The following AKAP7 variants were observed in gnomAD, a reference collection of about 807,000 sequenced individuals.
The protein encoded by AKAP7 is A-kinase anchoring protein 7.
AKAP7 carries 39 observed loss-of-function variants against 39.5 expected under a neutral mutation model. That is an observed-to-expected ratio of 0.99 (90% CI 0.76 to 1.29). The LOEUF is 1.29. Among genes scored for constraint, AKAP7 ranks in the 50% most tolerant of loss-of-function variants. The probability of loss-of-function intolerance (pLI) is 0.00; values close to 1 mark genes in which losing one functional copy is unlikely to be tolerated. For missense variants in AKAP7, 414 were observed against 407.7 expected, an observed-to-expected ratio of 1.02 and a Z score of -0.13; for synonymous variants, 140 against 139.1, an observed-to-expected ratio of 1.01 and a Z score of -0.05.
In AKAP7 at chr6:131,198,588, G is replaced by A. The variant is rs115972620; in HGVS notation, c.590-873G>A. Among the ~76,000 whole-genome samples the A allele has an allele frequency of 2.7e-3, 409 of 152,242 alleles. 1 individual carries two copies. The highest frequency in any genetic ancestry group is 9.4e-3 in the African/African-American group (391 of 41,532). On this transcript the variant is annotated intron_variant, in intron 5 of 7. Transcript: ENST00000431975. Reference sequence around the variant, plus strand: ...TAATTATTCCCCACTACTGAGGCAAGACTGTTCTTTTTACCTAATGTCTCA... The same window carrying A: ...TAATTATTCCCCACTACTGAGGCAAAACTGTTCTTTTTACCTAATGTCTCA...
At chr6:131,162,090 C>G (rs1210743248) in intron 3 of AKAP7, among the ~76,000 whole-genome samples, 2 of 152,194 alleles carry the variant, frequency 1.3e-5, no homozygotes, top group African/African-American at 4.8e-5. Context: ...CTGCATCACC[C>G]CCATGTCTGC....
intron 7 of AKAP7, among the ~76,000 whole-genome samples, chr6:131,271,428 A>G (rs563364377): frequency 3.9e-5 from 6 of 152,266 alleles, no homozygotes; most frequent in Non-Finnish European, 8.8e-5. Flanking sequence ...ACTTATGCCA[A>G]TACCACACTG....
chr6:131,216,560 A>G (rs1304366371), intron 6 of AKAP7, among the ~76,000 whole-genome samples: 1 of 152,334 alleles, frequency 6.6e-6, no homozygotes, highest in East Asian at 1.9e-4. Flanking sequence ...GTATTTGAAC[A>G]TCGCTGATAA....
intron 7 of AKAP7, among the ~76,000 whole-genome samples, chr6:131,259,970 C>T (rs532430629): frequency 6.6e-6 from 1 of 152,204 alleles, no homozygotes; most frequent in African/African-American, 2.4e-5. Context: ...ACCCAACAGG[C>T]CCCAGTGTGT....
chr6:131,229,725 A>T (rs997195756), intron 7 of AKAP7, among the ~76,000 whole-genome samples: 1 of 152,206 alleles, frequency 6.6e-6, no homozygotes, highest in African/African-American at 2.4e-5. Context: ...GCACATACTT[A>T]AAAGTATACA....
chr6:131,169,201 A>T lies in AKAP7; in HGVS notation c.517A>T (p.Thr173Ser). The T allele has an allele frequency of 6.2e-7, 1 of 1,614,138 alleles. No individual in the cohort carries two copies. The highest frequency in any genetic ancestry group is 8.5e-7 in the Non-Finnish European group (1 of 1,179,992). Residue 173 changes from threonine (T) to serine (S), a missense_variant, in exon 5 of 8, where the codon ACT becomes TCT. By Grantham distance (58) the Thr-to-Ser change is moderately conservative. Transcript: ENST00000431975. ...GACTTTGCCCTTTCAAGGGATTGGT[A>T]CTTTTGGAAATCAGGTTGGATTTGT... Reference protein sequence around the residue: ...HLTLPFQGIGTFGNQVGFVKL... With the variant: ...HLTLPFQGIGSFGNQVGFVKL...
chr6:131,177,628 T>G (rs1011074823), intron 5 of AKAP7, among the ~76,000 whole-genome samples: 9 of 152,140 alleles, frequency 5.9e-5, no homozygotes, highest in Non-Finnish European at 1.3e-4. Context: ...CAACATGAGT[T>G]TTGGTGGGGA....
chr6:131,167,596 A>G (rs1260483744), intron 4 of AKAP7, among the ~76,000 whole-genome samples: 1 of 152,212 alleles, frequency 6.6e-6, no homozygotes, highest in Non-Finnish European at 1.5e-5. Flanking sequence ...GTTAGGTAAT[A>G]GTGAATTTAA....
chr6:131,239,538 G>C (rs1811352816), intron 7 of AKAP7, among the ~76,000 whole-genome samples: 1 of 152,154 alleles, frequency 6.6e-6, no homozygotes, highest in African/African-American at 2.4e-5. Flanking sequence ...TCACTTTCAG[G>C]TACACCAATC....
intron 7 of AKAP7, among the ~76,000 whole-genome samples, chr6:131,248,242 A>G (rs1381210857): frequency 3.9e-5 from 6 of 152,190 alleles, no homozygotes; most frequent in Admixed American, 2.6e-4. Context: ...GCAAATTAAA[A>G]GCTTTATAAT....
intron 7 of AKAP7, among the ~76,000 whole-genome samples, chr6:131,244,303 CA>C (rs1811827921): frequency 6.6e-6 from 1 of 152,206 alleles, no homozygotes; most frequent in South Asian, 2.1e-4. Context: ...CTGGCTCTCT[CA>C]CCTACTCTGG....
intron 3 of AKAP7, among the ~76,000 whole-genome samples, chr6:131,162,645 G>A (rs1803089610): frequency 6.6e-6 from 1 of 152,036 alleles, no homozygotes; most frequent in Admixed American, 6.6e-5. Context: ...GTCGTTGTTC[G>A]TCTCTCCTTC....
At chr6:131,213,960 A>G (rs1295772243) in intron 6 of AKAP7, among the ~76,000 whole-genome samples, 1 of 152,120 alleles carries the variant, frequency 6.6e-6, no homozygotes, top group African/African-American at 2.4e-5. Context: ...ACATGGCCTT[A>G]GTCAGTATAA....
At chr6:131,182,566 G>T (rs1805370628) in intron 5 of AKAP7, among the ~76,000 whole-genome samples, 1 of 152,146 alleles carries the variant, frequency 6.6e-6, no homozygotes, top group African/African-American at 2.4e-5. Flanking sequence ...TGGGTTTGTT[G>T]ATGGACTCTT....
At chr6:131,179,527 G>T (rs1489516807) in intron 5 of AKAP7, among the ~76,000 whole-genome samples, 1 of 152,114 alleles carries the variant, frequency 6.6e-6, no homozygotes, top group African/African-American at 2.4e-5. Flanking sequence ...CTCCACGAGG[G>T]CCAGGACCAT....
chr6:131,206,880 T>A (rs551799003), intron 6 of AKAP7, among the ~76,000 whole-genome samples: 1 of 152,184 alleles, frequency 6.6e-6, no homozygotes, highest in Non-Finnish European at 1.5e-5. Context: ...TTTGGGGGTC[T>A]GCATGACAGT....
At chr6:131,175,745 CTCTATGCCTGGAGGAATGGAACA>C (rs749702218) in intron 5 of AKAP7, among the ~76,000 whole-genome samples, 6 of 152,208 alleles carry the variant, frequency 3.9e-5, no homozygotes, top group Admixed American at 6.5e-5. Flanking sequence ...GATATGCGCT[CTCTATGCCTGGAGGAATGGAACA>C]TCCTCCTTTC....
At chr6:131,136,600 C>G (rs1030378106) in intron 1 of AKAP7, among the ~76,000 whole-genome samples, 2 of 152,272 alleles carry the variant, frequency 1.3e-5, no homozygotes, top group African/African-American at 4.8e-5. Flanking sequence ...TGTTTAAGTG[C>G]CGTGGCTTTG....
chr6:131,139,249 A>G (rs558241803), intron 1 of AKAP7, among the ~76,000 whole-genome samples: 5 of 152,210 alleles, frequency 3.3e-5, no homozygotes, highest in Non-Finnish European at 4.4e-5. Context: ...TTCAAGACTT[A>G]TTTGAAAGTG....
Sources: allele counts gnomAD v4.1 joint callset (sites outside exome capture counted in the v4.1 genomes callset), GRCh38; gene constraint gnomAD v4.1.1; transcripts MANE v1.5; gene names NCBI Gene and HGNC (gene_info 2026-07-23, HGNC 2026-07-21).